Variants in SLC22A2 observed in about 807,000 individuals in gnomAD.
The protein encoded by SLC22A2 is organic cation transporter 2.
A neutral mutation model predicts 60.5 loss-of-function variants in SLC22A2; 46 were observed. The observed-to-expected ratio is 0.76, with a 90% CI of 0.60 to 0.97. The LOEUF (loss-of-function observed/expected upper bound fraction) is 0.97. Among genes scored for constraint, SLC22A2 ranks in the 50% least tolerant of loss-of-function variants. SLC22A2 has a pLI of 0.00. For missense variants in SLC22A2, 701 were observed against 706.6 expected (o/e 0.99, Z 0.09); for synonymous variants, 303 against 267.0 (o/e 1.13, Z -1.31).
chr6:160,218,179 CG>C (rs1359565111), intron 10 of SLC22A2: 2 of 246,348 alleles, frequency 8.1e-6, no homozygotes, highest in East Asian at 2.4e-4. Context: ...CAATCTGAGA[CG>C]AGGGATGGCA....
intron 9 of SLC22A2, among the ~76,000 whole-genome samples, chr6:160,240,254 C>G (rs1325629056): frequency 6.6e-6 from 1 of 152,100 alleles, no homozygotes; most frequent in African/African-American, 2.4e-5. Flanking sequence ...GAGACTTTAA[C>G]TAGTGCCCAG....
chr6:160,241,404 A>T, intron 9 of SLC22A2, 70 bp downstream of exon 9: 1 of 933,724 alleles, frequency 1.1e-6, no homozygotes, highest in Admixed American at 1.8e-5. Flanking sequence ...GTTTTGAATG[A>T]AGTAGAAGAG....
intron 10 of SLC22A2, 31 bp from the exon 11 acceptor site, chr6:160,217,529 G>T: frequency 7.8e-7 from 1 of 1,277,430 alleles, no homozygotes; most frequent in Non-Finnish European, 1.1e-6. Context: ...GGAGAGGGGA[G>T]AAAGAAATTA....
At chr6:160,246,950 A>G (rs1045583661) in intron 5 of SLC22A2, among the ~76,000 whole-genome samples, 2 of 152,220 alleles carry the variant, frequency 1.3e-5, no homozygotes, top group African/African-American at 4.8e-5. Flanking sequence ...CGTGACCTTT[A>G]AATGATTTCT....
At chr6:160,236,740 G>A (rs910931149) in intron 9 of SLC22A2, among the ~76,000 whole-genome samples, 3 of 152,078 alleles carry the variant, frequency 2.0e-5, no homozygotes, top group Non-Finnish European at 2.9e-5. Flanking sequence ...CTGACCTGTG[G>A]TAAGTAAAAA....
intron 2 of SLC22A2, among the ~76,000 whole-genome samples, chr6:160,252,054 CTG>C (rs1392673849): frequency 6.6e-6 from 1 of 152,110 alleles, no homozygotes; most frequent in African/African-American, 2.4e-5. Context: ...TTGTGGTTTG[CTG>C]TACCTATCAA....
chr6:160,245,694 A>AG (rs745410062), intron 5 of SLC22A2, 149 bp from the exon 6 acceptor site: 1 of 159,212 alleles, frequency 6.3e-6, no homozygotes, highest in East Asian at 1.2e-4. Flanking sequence ...GTCCCATTTC[A>AG]TTTTTTTTTT....
chr6:160,245,527 C>T lies in SLC22A2; in HGVS notation c.976G>A (p.Glu326Lys). The T allele has an allele frequency of 6.2e-7, 1 of 1,610,340 alleles. No individual in the cohort carries two copies. Among genetic ancestry groups the T allele is most frequent in the Non-Finnish European group, 8.5e-7 (1 of 1,177,644 alleles). The change falls in exon 6 of 11, where the codon GAA becomes AAA. Residue 326 changes from glutamate (E) to lysine (K), a missense_variant. Transcript: ENST00000366953. ...GAAGGGTTCAATTTCTTGCCAGTTT[C>T]CTCTTCAAGTCTCAGGCGCTAAGAA... ...ASLQRLRLEEETGKKLNPSFL... is the reference protein window; with the variant it reads ...ASLQRLRLEEKTGKKLNPSFL...
Position 160,236,995 on chromosome 6 carries a change from C to A in SLC22A2, c.1501+4479G>T, listed in dbSNP as rs566699736. Among the ~76,000 whole-genome samples, 358 of 152,262 alleles carry A rather than the reference C, an allele frequency of 2.4e-3. 2 individuals are homozygous for A. The highest frequency in any genetic ancestry group is 0.02 in the Middle Eastern group (6 of 294). On this transcript the variant is annotated intron_variant, in intron 9 of 10. Transcript: ENST00000366953. The stretch of plus-strand genomic sequence containing the variant: ...AATAATCAGGCCAAGTACAATAAAG[C>A]AAATCAGTCCTACCAAGATTTGTCT...
At chr6:160,232,243 C>T (rs1051899886) in intron 9 of SLC22A2, among the ~76,000 whole-genome samples, 1 of 151,820 alleles carries the variant, frequency 6.6e-6, no homozygotes, top group African/African-American at 2.4e-5. Context: ...CTGACATTCA[C>T]CCCATTTCCC....
intron 5 of SLC22A2, among the ~76,000 whole-genome samples, chr6:160,246,661 C>T (rs1419516440): frequency 2.6e-5 from 4 of 152,080 alleles, no homozygotes; most frequent in Non-Finnish European, 2.9e-5. Context: ...GCAGGAGAAT[C>T]GCTTGAACCT....
At position 160,258,588 on chromosome 6, in the gene SLC22A2, G is replaced by C. The variant is rs1431278103; in HGVS notation, c.170C>G (p.Ala57Gly). ...CCAGCCGCAGCGCAGACTCAGCTCG[G>C]CCACTCCGGGGCTCCGGCAGCGGTG... ...PDHRCRSPGV[A>G]ELSLRCGWSP... The change falls in exon 1 of 11, where the codon GCC becomes GGC. Residue 57 changes from alanine (A) to glycine (G), a missense_variant. By Grantham distance (60) the Ala-to-Gly change is moderately conservative. Transcript: ENST00000366953. 2.5e-6 allele frequency: 4 copies of C among 1,613,920 alleles called. No homozygotes were observed. The highest frequency in any genetic ancestry group is 3.4e-6 in the Non-Finnish European group (4 of 1,179,922).
intron 9 of SLC22A2, among the ~76,000 whole-genome samples, chr6:160,229,690 T>C (rs1455575450): frequency 6.6e-6 from 1 of 151,794 alleles, no homozygotes; most frequent in Admixed American, 6.5e-5. Context: ...CTCTTTTCTC[T>C]GGGCTTGCCT....
Position 160,258,754 on chromosome 6 carries a change from G to A in SLC22A2, c.4C>T (p.Pro2Ser), listed in dbSNP as rs1346240034. Residue 2 changes from proline to serine, a missense_variant, in exon 1 of 11, where the codon CCC becomes TCC. Coordinates refer to ENST00000366953, the MANE Select transcript of SLC22A2 (RefSeq NM_003058.4). ...TCCAGGACATCGTCCACGGTGGTGG[G>A]CATGATCCTGCAGGCAGGAGGGCCC... The part of the protein sequence containing the change: M[P>S]TTVDDVLEHG... The A allele has an allele frequency of 2.6e-6, 4 of 1,544,006 alleles. No individual in the cohort carries two copies. The highest frequency in any genetic ancestry group is 3.8e-5 in the Admixed American group (2 of 52,980).
intron 10 of SLC22A2, 23 bp downstream of exon 10, chr6:160,224,682 A>C (rs1434717988): frequency 1.3e-6 from 2 of 1,519,854 alleles, no homozygotes; most frequent in Non-Finnish European, 1.8e-6. Flanking sequence ...AGAACAATTC[A>C]TTTAGAACTT....
At chr6:160,224,915 A>T (rs1782699992) in intron 9 of SLC22A2, 111 bp from the exon 10 acceptor site, 2 of 518,182 alleles carry the variant, frequency 3.9e-6, no homozygotes, top group South Asian at 4.1e-5. Context: ...TTCTATACTT[A>T]TTTACAGATT....
chr6:160,227,325 A>G (rs1413878687), intron 9 of SLC22A2, among the ~76,000 whole-genome samples: 1 of 152,208 alleles, frequency 6.6e-6, no homozygotes, highest in African/African-American at 2.4e-5. Context: ...ACTCTTTTCT[A>G]TTGATTCCGG....
intron 9 of SLC22A2, among the ~76,000 whole-genome samples, chr6:160,234,378 T>A (rs950667040): frequency 6.6e-6 from 1 of 152,182 alleles, no homozygotes; most frequent in African/African-American, 2.4e-5. Flanking sequence ...CTGGAAAAGA[T>A]CCCTTCGCTA....
At chr6:160,237,809 T>C (rs553630371) in intron 9 of SLC22A2, among the ~76,000 whole-genome samples, 7 of 152,122 alleles carry the variant, frequency 4.6e-5, no homozygotes, top group Non-Finnish European at 1.0e-4. Context: ...ATACAGGTCA[T>C]AAAGACCTTG....
Sources: allele counts gnomAD v4.1 joint callset (sites outside exome capture counted in the v4.1 genomes callset), GRCh38; gene constraint gnomAD v4.1.1; transcripts MANE v1.5; gene names NCBI Gene and HGNC (gene_info 2026-07-23, HGNC 2026-07-21).